Variants in MAG observed in about 807,000 individuals in gnomAD.
MAG encodes myelin associated glycoprotein.
MAG carries 30 observed loss-of-function variants against 60.7 expected under a neutral mutation model. That is an observed-to-expected ratio of 0.49 (90% CI 0.37 to 0.67). The LOEUF is 0.67. Ranked by LOEUF, MAG falls within the 30% of genes least tolerant of loss-of-function variation. The pLI, the probability that MAG is intolerant of heterozygous loss-of-function variation, is 0.00. For missense variants in MAG, 795 were observed against 851.7 expected (o/e 0.93, Z 0.83); for synonymous variants, 384 against 376.8 (o/e 1.02, Z -0.22).
At chr19:35,299,508 A>G (rs1426981905) in intron 4 of MAG, 46 bp from the exon 5 acceptor site, 11 of 1,411,832 alleles carry the variant, frequency 7.8e-6, no homozygotes, top group African/African-American at 1.4e-5. Flanking sequence ...CCGGGACCGT[A>G]GCCCAGTGCT....
rs1048163692 is a variant in MAG, at chr19:35,295,521, G to A, written c.46+67G>A. 2.4e-5 allele frequency: 39 copies of A among 1,608,294 alleles called. No homozygotes were observed. The highest frequency in any genetic ancestry group is 1.5e-4 in the Admixed American group (9 of 59,616). On this transcript the variant is annotated intron_variant, in intron 3 of 10. Transcript: ENST00000392213. This position sits in a 1 kb window ranked among gnomAD's most constrained non-coding sequence, Gnocchi z 5.8. ...CTGAGCAGGTTGGAGGTGGGTCCCC[G>A]CAGCCCCCCGGCATGTGGTTGGGGA...
Position 35,310,017 on chromosome 19 carries a change from G to A in MAG, c.1375G>A (p.Glu459Lys). The A allele has an allele frequency of 6.2e-7, 1 of 1,614,010 alleles. No homozygotes were observed. ...RNVTVNESEREFVYSERSGLV... is the reference protein window; with the variant it reads ...RNVTVNESERKFVYSERSGLV... ...TGTGACCGTGAACGAGAGCGAGCGG[G>A]AGTTCGTGTACTCGGAGCGCAGCGG... The change falls in exon 8 of 11, where the codon GAG becomes AAG. Residue 459 changes from glutamate (E) to lysine (K), a missense_variant. By Grantham distance (56) the Glu-to-Lys change is moderately conservative (BLOSUM62 1). Coordinates refer to ENST00000392213, the MANE Select transcript of MAG (RefSeq NM_002361.4).
chr19:35,304,405 A>G (rs1474434238), intron 7 of MAG, among the ~76,000 whole-genome samples: 4 of 152,250 alleles, frequency 2.6e-5, no homozygotes, highest in African/African-American at 4.8e-5. Flanking sequence ...ACCAACTCAC[A>G]TACATTTTCC....
At chr19:35,309,154 C>T (rs576904177) in intron 7 of MAG, among the ~76,000 whole-genome samples, 16 of 152,112 alleles carry the variant, frequency 1.1e-4, no homozygotes, top group Non-Finnish European at 2.4e-4. Flanking sequence ...TCTGTCCAGG[C>T]TGAAGCTGAG....
At chr19:35,299,291 G>A (rs931767101) in intron 4 of MAG, among the ~76,000 whole-genome samples, 1 of 152,210 alleles carries the variant, frequency 6.6e-6, no homozygotes, top group Non-Finnish European at 1.5e-5. Flanking sequence ...GGACTGGCAA[G>A]TTAAACGCCG....
chr19:35,302,533 C>A lies in MAG; in HGVS notation c.1056C>A (p.Asn352Lys). Residue 352 changes from asparagine (N) to lysine (K), a missense_variant, in exon 7 of 11, where the codon AAC becomes AAA. Physicochemically the swap from Asn to Lys is moderately conservative, Grantham distance 94. Transcript: ENST00000392213. The part of the protein sequence containing the change: ...TVSILCSTQS[N>K]PDPILTIFKE... ...CTATCTTGTGCTCCACACAGAGCAA[C>A]CCGGACCCTATTCTCACCATCTTCA... is the stretch of plus-strand genomic sequence containing the variant. 2 of 1,614,188 alleles carry A rather than the reference C, an allele frequency of 1.2e-6. No homozygotes were observed. Among genetic ancestry groups the A allele is most frequent in the Non-Finnish European group, 1.7e-6 (2 of 1,180,030 alleles).
chr19:35,292,438 C>A (rs2066363606), intron 1 of MAG, among the ~76,000 whole-genome samples: 1 of 152,028 alleles, frequency 6.6e-6, no homozygotes, highest in South Asian at 2.1e-4. Flanking sequence ...AAGGGCCCCC[C>A]CTCAGCACCC....
intron 6 of MAG, among the ~76,000 whole-genome samples, chr19:35,300,826 C>T (rs2066443415): frequency 6.6e-6 from 1 of 152,192 alleles, no homozygotes; most frequent in East Asian, 1.9e-4. Flanking sequence ...AACTCCTGGG[C>T]TCAAGCAAGC....
intron 7 of MAG, 52 bp from the exon 8 acceptor site, chr19:35,309,822 C>T (rs1265525928): frequency 2.5e-6 from 4 of 1,574,494 alleles, no homozygotes; most frequent in Non-Finnish European, 3.4e-6. Context: ...TCTCCGGGGC[C>T]GGGCCTCGCG....
intron 4 of MAG, among the ~76,000 whole-genome samples, chr19:35,298,885 C>G (rs769862492): frequency 1.1e-4 from 16 of 149,610 alleles, no homozygotes; most frequent in Non-Finnish European, 2.1e-4. Flanking sequence ...ATACACCACG[C>G]TCTACACCCA....
intron 6 of MAG, among the ~76,000 whole-genome samples, chr19:35,301,588 C>T (rs1451711081): frequency 6.6e-6 from 1 of 152,108 alleles, no homozygotes; most frequent in Non-Finnish European, 1.5e-5. Flanking sequence ...CACACCACCA[C>T]ACCTGGCTAA....
chr19:35,309,538 G>A (rs928150523), intron 7 of MAG, among the ~76,000 whole-genome samples: 20 of 151,948 alleles, frequency 1.3e-4, no homozygotes, highest in African/African-American at 4.6e-4. Context: ...CTTCGGCCTC[G>A]CAAAGTGCTA....
At chr19:35,312,055 T>A (rs752585578) in intron 10 of MAG, 38 bp downstream of exon 10, 3 of 1,574,770 alleles carry the variant, frequency 1.9e-6, no homozygotes, top group Admixed American at 3.4e-5. Context: ...GGAACCTGGA[T>A]GCCAGGGACA....
In MAG at chr19:35,295,473, T is replaced by C; in HGVS notation, c.46+19T>C. 1.2e-6 allele frequency: 2 copies of C among 1,614,032 alleles called. No homozygotes were observed. The highest frequency in any genetic ancestry group is 1.1e-5 in the South Asian group (1 of 91,062). On this transcript the variant is annotated intron_variant, in intron 3 of 10. Transcript: ENST00000392213. The surrounding 1 kb of genome is among the most constrained non-coding windows in gnomAD (Gnocchi z 5.8). ...ATTTCAGGTAACGGCTGACAGGTGC[T>C]GGGGACCTAAAGGCTTTGGCCCCTG...
intron 10 of MAG, among the ~76,000 whole-genome samples, chr19:35,313,006 T>C (rs2066539838): frequency 6.6e-6 from 1 of 152,002 alleles, no homozygotes; most frequent in African/African-American, 2.4e-5. Flanking sequence ...GCCATTGCAA[T>C]CCAGCCTGGG....
chr19:35,312,168 G>T, intron 10 of MAG, 151 bp downstream of exon 10: 4 of 1,275,798 alleles, frequency 3.1e-6, no homozygotes, highest in Non-Finnish European at 4.6e-6. Flanking sequence ...TGGACCTGGA[G>T]GCTGGGGAGG....
chr19:35,300,328 C>G lies in MAG; in HGVS notation c.894C>G (p.Ala298=). ...LLLELEEVTP[A]EDGVYACLAE... is the part of the protein sequence containing the mutation. ...TGGAGCTGGAGGAGGTGACCCCCGC[C>G]GAAGACGGCGTCTATGCCTGCCTGG... Residue 298 remains alanine, a synonymous_variant, in exon 6 of 11, where the codon GCC becomes GCG. Transcript: ENST00000392213. 2.5e-6 allele frequency: 4 copies of G among 1,599,028 alleles called. No homozygotes were observed. The highest frequency in any genetic ancestry group is 3.4e-6 in the Non-Finnish European group (4 of 1,179,412).
intron 6 of MAG, among the ~76,000 whole-genome samples, chr19:35,301,373 C>T (rs1473936411): frequency 6.7e-6 from 1 of 149,950 alleles, no homozygotes. Context: ...GTGCCCAGCA[C>T]TGGGGATATT....
At position 35,301,397 on chromosome 19, in the gene MAG, G is replaced by A. The variant is rs74258140; in HGVS notation, c.970+993G>A. Among the ~76,000 whole-genome samples, 31 of 149,294 alleles carry A rather than the reference G, an allele frequency of 2.1e-4. No homozygotes were observed. In the East Asian group the frequency reaches 6.2e-3, roughly 30 times the overall value. The stretch of plus-strand genomic sequence containing the variant: ...ACTGGGGATATTAATAATGACAGCC[G>A]CAGCCAACATTTACTCCACAGCTCT... On this transcript the variant is annotated intron_variant, in intron 6 of 10. Transcript: ENST00000392213.
Sources: gnomAD v4.1 joint callset for allele counts (sites outside exome capture counted in the v4.1 genomes callset) on GRCh38, gnomAD v4.1.1 for gene constraint, Gnocchi (gnomAD v3.1) non-coding constraint, MANE v1.5 for transcripts, NCBI Gene and HGNC (gene_info 2026-07-23, HGNC 2026-07-21) for gene names.